Variants in PCDH15 observed in about 807,000 individuals in gnomAD.
PCDH15 encodes the protein protocadherin-15.
Under a neutral mutation model 178.5 loss-of-function variants are expected in PCDH15, and 129 were observed. The observed-to-expected ratio is 0.72, with a 90% CI of 0.63 to 0.84. The LOEUF (loss-of-function observed/expected upper bound fraction) is 0.84. Among genes scored for constraint, PCDH15 ranks in the 40% least tolerant of loss-of-function variants. PCDH15 has a pLI of 0.00. For synonymous variants in PCDH15, 800 were observed against 732.0 expected, an observed-to-expected ratio of 1.09 and a Z score of -1.50; for missense variants, 2,230 against 2,099.9, an observed-to-expected ratio of 1.06 and a Z score of -1.21.
intron 1 of PCDH15, among the ~76,000 whole-genome samples, chr10:55,233,809 G>T (rs938150039): frequency 1.3e-5 from 2 of 151,996 alleles, no homozygotes; most frequent in Admixed American, 6.5e-5. Flanking sequence ...ATTTTCTTAT[G>T]AGAAACAATA....
intron 1 of PCDH15, among the ~76,000 whole-genome samples, chr10:55,169,879 TAAG>T (rs1839284827): frequency 2.6e-5 from 4 of 152,256 alleles, no homozygotes; most frequent in Admixed American, 1.3e-4. Flanking sequence ...ATTTAAATAA[TAAG>T]AAGATTTACC....
chr10:54,568,390 A>G (rs7919479), intron 2 of PCDH15, among the ~76,000 whole-genome samples: 142,402 of 152,054 alleles, frequency 0.94, 66,955 homozygotes, highest in Middle Eastern at 0.98. Flanking sequence ...TACATAATAC[A>G]TATCACTACC....
chr10:55,505,794 T>C (rs1840747218), intron 2 of PCDH15, among the ~76,000 whole-genome samples: 3 of 151,492 alleles, frequency 2.0e-5, no homozygotes, highest in Non-Finnish European at 4.4e-5. Context: ...AATTATGCAA[T>C]TAGTTATTGA....
At chr10:55,355,718 T>G (rs186306307) in intron 2 of PCDH15, among the ~76,000 whole-genome samples, 1 of 152,088 alleles carries the variant, frequency 6.6e-6, no homozygotes, top group African/African-American at 2.4e-5. Context: ...ATAGTGCCAT[T>G]CACATTAAAA....
chr10:53,958,141 A>T (rs1228807824), intron 23 of PCDH15, among the ~76,000 whole-genome samples: 4 of 152,156 alleles, frequency 2.6e-5, no homozygotes, highest in African/African-American at 9.7e-5. Context: ...CATTCTAAGA[A>T]AGTAAAAAAC....
chr10:53,986,901 G>T (rs1355926147), intron 21 of PCDH15, among the ~76,000 whole-genome samples: 1 of 152,122 alleles, frequency 6.6e-6, no homozygotes, highest in African/African-American at 2.4e-5. Flanking sequence ...CCAGAACTGA[G>T]GGTTACAGTA....
chr10:54,987,707 T>G (rs1839406210), intron 2 of PCDH15, among the ~76,000 whole-genome samples: 1 of 120,946 alleles, frequency 8.3e-6, no homozygotes, highest in Admixed American at 8.0e-5. Flanking sequence ...CTTTTTGATG[T>G]TTTTTTTTTT....
At chr10:55,553,938 T>A (rs1294469214) in intron 2 of PCDH15, among the ~76,000 whole-genome samples, 2 of 152,010 alleles carry the variant, frequency 1.3e-5, no homozygotes, top group African/African-American at 4.8e-5. Flanking sequence ...AGTTTTTAAT[T>A]TGTCTAGGAA....
intron 12 of PCDH15, 115 bp from the exon 13 acceptor site, chr10:54,183,708 G>A: frequency 1.6e-6 from 2 of 1,230,214 alleles, no homozygotes; most frequent in Non-Finnish European, 2.4e-6. Context: ...TTGAAAGGGT[G>A]CAAAAATATT....
chr10:54,745,331 A>G (rs1035147099), intron 1 of PCDH15, among the ~76,000 whole-genome samples: 1 of 91,758 alleles, frequency 1.1e-5, no homozygotes, highest in African/African-American at 3.3e-5. Context: ...AACTATTCAA[A>G]GAAAAGATTA....
intron 2 of PCDH15, among the ~76,000 whole-genome samples, chr10:55,504,650 T>A (rs1840724388): frequency 6.6e-6 from 1 of 151,296 alleles, no homozygotes; most frequent in South Asian, 2.1e-4. Flanking sequence ...CCCAAATACA[T>A]ATCAAATGGT....
intron 2 of PCDH15, among the ~76,000 whole-genome samples, chr10:54,970,693 TC>T (rs1396184620): frequency 2.6e-5 from 4 of 152,152 alleles, no homozygotes; most frequent in Non-Finnish European, 5.9e-5. Context: ...TGCTCCATGT[TC>T]CATCCTACCC....
At chr10:54,495,276 T>C (rs1159166608) in intron 3 of PCDH15, among the ~76,000 whole-genome samples, 2 of 152,022 alleles carry the variant, frequency 1.3e-5, no homozygotes, top group African/African-American at 4.8e-5. Flanking sequence ...ATATATAATG[T>C]ATATGAAGCA....
chr10:55,203,908 G>A (rs1840321963), intron 1 of PCDH15, among the ~76,000 whole-genome samples: 1 of 151,788 alleles, frequency 6.6e-6, no homozygotes, highest in Non-Finnish European at 1.5e-5. Flanking sequence ...GAGATTTGGT[G>A]GTTAAAATGC....
intron 2 of PCDH15, among the ~76,000 whole-genome samples, chr10:55,548,675 C>T (rs1333904749): frequency 6.6e-6 from 1 of 152,106 alleles, no homozygotes; most frequent in African/African-American, 2.4e-5. Context: ...TACACTTTAG[C>T]AACAGTACAC....
intron 2 of PCDH15, among the ~76,000 whole-genome samples, chr10:55,460,211 CTTA>C (rs1210588729): frequency 2.0e-5 from 3 of 151,352 alleles, no homozygotes; most frequent in Non-Finnish European, 4.4e-5. Flanking sequence ...ATTTTAATAT[CTTA>C]TTAGTGGGTA....
At chr10:54,878,573 T>G (rs910113233) in intron 3 of PCDH15, among the ~76,000 whole-genome samples, 1 of 151,802 alleles carries the variant, frequency 6.6e-6, no homozygotes, top group African/African-American at 2.4e-5. Context: ...AACTTTCTCT[T>G]TTTTTTTGTA....
intron 2 of PCDH15, chr10:55,599,747 A>G (rs1357063393): frequency 7.3e-6 from 3 of 412,290 alleles, no homozygotes; most frequent in Non-Finnish European, 1.3e-5. Context: ...GGAACTCGGC[A>G]CATTTCACCC....
chr10:54,336,577 T>C (rs902341497), intron 6 of PCDH15, among the ~76,000 whole-genome samples: 2 of 152,152 alleles, frequency 1.3e-5, no homozygotes, highest in South Asian at 4.1e-4. Flanking sequence ...AGCTTTCACA[T>C]GGTGTGGAGC....
Sources: allele counts gnomAD v4.1 joint callset (sites outside exome capture counted in the v4.1 genomes callset), GRCh38; gene constraint gnomAD v4.1.1; transcripts MANE v1.5; gene names NCBI Gene and HGNC (gene_info 2026-07-23, HGNC 2026-07-21).